Variants in PUM3 observed in about 807,000 individuals in gnomAD.
PUM3 encodes the protein pumilio RNA binding family member 3.
In PUM3, 91 loss-of-function variants were observed where a neutral mutation model predicts 84.0. The observed-to-expected ratio is 1.08, with a 90% CI of 0.91 to 1.29. The LOEUF is 1.29. PUM3 is among the 50% of genes most tolerant of loss of function. The probability of loss-of-function intolerance (pLI) is 0.00; values close to 1 mark genes in which losing one functional copy is unlikely to be tolerated. For missense variants in PUM3, 1,067 were observed against 767.5 expected (o/e 1.39, Z -4.61); for synonymous variants, 321 against 266.7 (o/e 1.20, Z -1.98).
chr9:2,825,570 C>T (rs1247694466), intron 10 of PUM3, among the ~76,000 whole-genome samples: 2 of 151,982 alleles, frequency 1.3e-5, no homozygotes, highest in African/African-American at 2.4e-5. Flanking sequence ...GCAACCTCCA[C>T]CTCCCAGGTT....
chr9:2,804,496 C>T, intron 17 of PUM3, 33 bp from the exon 18 acceptor site: 1 of 1,600,548 alleles, frequency 6.2e-7, no homozygotes, highest in Non-Finnish European at 8.5e-7. Flanking sequence ...ATTTCATAAG[C>T]ATTCCTAGAT....
chr9:2,831,081 G>C (rs1431846680), intron 6 of PUM3, 53 bp from the exon 7 acceptor site: 12 of 1,051,724 alleles, frequency 1.1e-5, no homozygotes, highest in Non-Finnish European at 1.7e-5. Context: ...CAGTTCTCTG[G>C]AAACAAAGGG....
Position 2,838,419 on chromosome 9 carries a change from A to G in PUM3, c.82+7T>C, listed in dbSNP as rs78622197. On this transcript the variant is annotated splice_region_variant and intron_variant, in intron 2 of 17. Transcript: ENST00000397885. ...AGCCAAACACCCACATGGGAAGCATATCTTACCACTATTTTTATGAAATCT... is the reference window on the plus strand; with the variant it reads ...AGCCAAACACCCACATGGGAAGCATGTCTTACCACTATTTTTATGAAATCT... 2.9e-3 allele frequency: 4,665 copies of G among 1,588,636 alleles called. 49 individuals carry two copies. Among genetic ancestry groups the G allele is most frequent in the African/African-American group, 0.027 (2,035 of 74,542 alleles).
intron 15 of PUM3, among the ~76,000 whole-genome samples, chr9:2,810,862 C>G (rs1385356881): frequency 3.9e-5 from 6 of 152,216 alleles, no homozygotes; most frequent in Admixed American, 2.6e-4. Context: ...AGGGGATTAT[C>G]TGATGAGCGA....
chr9:2,840,615 A>G (rs575267368), intron 1 of PUM3, among the ~76,000 whole-genome samples: 1 of 152,288 alleles, frequency 6.6e-6, no homozygotes, highest in South Asian at 2.1e-4. Flanking sequence ...AGTCTCAGAT[A>G]TTTATTTCAT....
intron 13 of PUM3, among the ~76,000 whole-genome samples, chr9:2,818,076 C>T (rs887740095): frequency 5.3e-5 from 8 of 152,184 alleles, no homozygotes; most frequent in Non-Finnish European, 8.8e-5. Context: ...AAGTCTGGTG[C>T]CCTGAACAGA....
chr9:2,838,346 A>C, intron 2 of PUM3, 80 bp downstream of exon 2: 2 of 916,718 alleles, frequency 2.2e-6, no homozygotes, highest in Non-Finnish European at 3.6e-6. Context: ...CTAGCCAATG[A>C]ATACAGATTG....
At position 2,804,257 on chromosome 9, in the gene PUM3, C is replaced by T; in HGVS notation, c.*74G>A. 1 of 1,472,106 alleles carries T rather than the reference C, an allele frequency of 6.8e-7. No homozygotes were observed. The highest frequency in any genetic ancestry group is 9.3e-7 in the Non-Finnish European group (1 of 1,076,408). The allele number at this position is 1,472,106 out of a possible 1,614,324, so 91.2% of individuals were successfully genotyped here. A position where few individuals can be genotyped will look rare whatever the true frequency, so the allele number is the denominator to read the frequency against. ...CAATTACCAGTATGGTGGACCCTAC[C>T]CCTTCTTTTCTGCATTGGGAAACAG... On this transcript the variant is annotated 3_prime_UTR_variant, in exon 18 of 18. Transcript: ENST00000397885.
chr9:2,810,236 C>A, intron 16 of PUM3, 108 bp downstream of exon 16: 1 of 718,550 alleles, frequency 1.4e-6, no homozygotes, highest in South Asian at 1.6e-5. Context: ...TTTCTAGACA[C>A]TTGGCAAACT....
At chr9:2,826,046 T>C (rs948905190) in intron 10 of PUM3, among the ~76,000 whole-genome samples, 8 of 151,862 alleles carry the variant, frequency 5.3e-5, no homozygotes, top group African/African-American at 9.7e-5. Flanking sequence ...TTCAGAGCTA[T>C]CCAGATGGAA....
In PUM3 at chr9:2,823,644, G is replaced by A. The variant is rs994124527; in HGVS notation, c.1188+137C>T. The stretch of plus-strand genomic sequence containing the variant: ...GTGTAGATAAAATATGAAAATACAT[G>A]TAGATGCAAAGAAAAATATAATAAA... On this transcript the variant is annotated intron_variant, in intron 12 of 17. Transcript: ENST00000397885. 1.9e-5 allele frequency: 9 copies of A among 463,960 alleles called. No individual in the cohort carries two copies. The East Asian group carries it at 2.1e-4, about 11-fold the overall frequency. 28.7% of individuals were successfully genotyped at this position (463,960 alleles called of 1,614,324 possible). A position where few individuals can be genotyped will look rare whatever the true frequency, so the allele number is the denominator to read the frequency against.
intron 1 of PUM3, among the ~76,000 whole-genome samples, chr9:2,840,250 C>T (rs1816234702): frequency 1.3e-5 from 2 of 152,172 alleles, no homozygotes; most frequent in South Asian, 2.1e-4. Context: ...TGTGAAGTTG[C>T]CACTTTAACC....
chr9:2,804,261 T>C lies in PUM3; in HGVS notation c.*70A>G. 6.6e-7 allele frequency: 1 copy of C among 1,526,188 alleles called. No individual in the cohort carries two copies. The highest frequency in any genetic ancestry group is 2.3e-5 in the East Asian group (1 of 44,304). The allele number at this position is 1,526,188 out of a possible 1,614,324, so 94.5% of individuals were successfully genotyped here. A position where few individuals can be genotyped will look rare whatever the true frequency, so the allele number is the denominator to read the frequency against. ...TACCAGTATGGTGGACCCTACCCCT[T>C]CTTTTCTGCATTGGGAAACAGAACA... On this transcript the variant is annotated 3_prime_UTR_variant, in exon 18 of 18. Transcript: ENST00000397885.
intron 16 of PUM3, among the ~76,000 whole-genome samples, chr9:2,809,060 T>A (rs79827192): frequency 0.04 from 6,137 of 152,216 alleles, 135 homozygotes; most frequent in East Asian, 0.071. Flanking sequence ...GTGAGTGAGC[T>A]AAGCGAAAAG....
chr9:2,806,595 C>T (rs1821262455), intron 17 of PUM3, among the ~76,000 whole-genome samples: 2 of 152,172 alleles, frequency 1.3e-5, no homozygotes, highest in South Asian at 2.1e-4. Context: ...TTCAAAGCAA[C>T]ATACAAATCT....
At chr9:2,840,342 T>C (rs1816236474) in intron 1 of PUM3, among the ~76,000 whole-genome samples, 1 of 151,892 alleles carries the variant, frequency 6.6e-6, no homozygotes, top group African/African-American at 2.4e-5. Flanking sequence ...GAAGGAGGGG[T>C]ACTAAAGAAT....
intron 9 of PUM3, among the ~76,000 whole-genome samples, chr9:2,827,958 G>A (rs1815868359): frequency 6.6e-6 from 1 of 152,180 alleles, no homozygotes; most frequent in Admixed American, 6.5e-5. Context: ...GGTCCCAAAA[G>A]CTATGCTCAG....
intron 9 of PUM3, among the ~76,000 whole-genome samples, chr9:2,827,496 G>C (rs760840514): frequency 6.6e-6 from 1 of 152,118 alleles, no homozygotes; most frequent in Non-Finnish European, 1.5e-5. Context: ...ATCCACATGT[G>C]GATGTATTTT....
intron 13 of PUM3, among the ~76,000 whole-genome samples, chr9:2,818,273 G>A (rs1312006868): frequency 2.0e-5 from 3 of 152,224 alleles, no homozygotes; most frequent in Non-Finnish European, 4.4e-5. Flanking sequence ...AAAGAGATCG[G>A]CAAATCAGGC....
Sources: gnomAD v4.1 joint callset for allele counts (sites outside exome capture counted in the v4.1 genomes callset) on GRCh38, gnomAD v4.1.1 for gene constraint, MANE v1.5 for transcripts, NCBI Gene and HGNC (gene_info 2026-07-23, HGNC 2026-07-21) for gene names.